BLTP1: variants seen among roughly 807,000 people sequenced by gnomAD.
BLTP1 encodes bridge-like lipid transfer protein family member 1.
the BLTP1 span, chr4:122,194,417 A>G: frequency 2.6e-6 from 1 of 388,828 alleles, no homozygotes; most frequent in Non-Finnish European, 3.5e-6. Flanking sequence ...GAAAGAAAAT[A>G]CTTTTCACAT....
chr4:122,250,201 T>C, the BLTP1 span: 34 of 388,936 alleles, frequency 8.7e-5, no homozygotes, highest in Non-Finnish European at 1.2e-4. Flanking sequence ...ATGCCTACAA[T>C]TATTTACCTG....
chr4:122,232,616 A>C, the BLTP1 span, among the ~76,000 whole-genome samples: 1 of 152,148 alleles, frequency 6.6e-6, no homozygotes, highest in African/African-American at 2.4e-5. Context: ...CAAAAAAAAT[A>C]AGATAAAAAA....
the BLTP1 span, chr4:122,235,576 T>G: frequency 1.4e-5 from 7 of 493,742 alleles, no homozygotes; most frequent in East Asian, 1.5e-4. Flanking sequence ...GAGGCCAAGG[T>G]GGGCGGATCA....
chr4:122,261,769 G>A, the BLTP1 span: 31 of 978,330 alleles, frequency 3.2e-5, no homozygotes, highest in Non-Finnish European at 3.6e-5. Flanking sequence ...AGAACTTAAG[G>A]ATTAAATAAG....
chr4:122,179,678 A>T, the BLTP1 span, among the ~76,000 whole-genome samples: 13 of 152,196 alleles, frequency 8.5e-5, no homozygotes, highest in Non-Finnish European at 1.8e-4. Context: ...AAGGACACAT[A>T]CAGAGAGGCA....
chr4:122,336,450 T>C, the BLTP1 span: 18 of 786,628 alleles, frequency 2.3e-5, no homozygotes, highest in Admixed American at 5.9e-5. Flanking sequence ...TTACATAATA[T>C]ATGCAATTAT....
the BLTP1 span, chr4:122,333,504 T>G: frequency 3.2e-6 from 3 of 943,378 alleles, no homozygotes; most frequent in Non-Finnish European, 4.5e-6. Flanking sequence ...TAAATTTGTT[T>G]GAGTTCATTG....
At chr4:122,152,513 C>T in the BLTP1 span, 89 of 985,860 alleles carry the variant, frequency 9.0e-5, 2 homozygotes, top group East Asian at 8.6e-3. Context: ...CCGCCCCTGC[C>T]GCCGCCCAAG....
the BLTP1 span, chr4:122,198,146 A>C: frequency 0.02 from 20,129 of 983,962 alleles, 1,326 homozygotes; most frequent in African/African-American, 0.21. Flanking sequence ...AAGTGGTAGC[A>C]TTCAGGCCTG....
chr4:122,252,214 G>C, the BLTP1 span, among the ~76,000 whole-genome samples: 1 of 152,186 alleles, frequency 6.6e-6, no homozygotes, highest in Non-Finnish European at 1.5e-5. Flanking sequence ...GTGTGACCTA[G>C]CACGTTCCTA....
chr4:122,267,647 A>G, the BLTP1 span: 1 of 973,934 alleles, frequency 1.0e-6, no homozygotes, highest in Non-Finnish European at 1.2e-6. Context: ...AGTCATATTG[A>G]GAGTCTAGCC....
chr4:122,361,948 G>T, the BLTP1 span: 1 of 1,498,792 alleles, frequency 6.7e-7, no homozygotes, highest in Non-Finnish European at 8.9e-7. Context: ...TATTATAGAG[G>T]CTTAGTGATG....
the BLTP1 span, chr4:122,352,891 G>A: frequency 6.2e-7 from 1 of 1,609,622 alleles, no homozygotes; most frequent in Non-Finnish European, 8.5e-7. Context: ...TGTGTTTTTT[G>A]GTTTTCTTGC....
the BLTP1 span, chr4:122,359,843 T>C: frequency 1.4e-6 from 2 of 1,408,926 alleles, no homozygotes; most frequent in Non-Finnish European, 9.2e-7. Flanking sequence ...TCTCCTGTAA[T>C]GTCTATAGCT....
At chr4:122,286,412 C>T in the BLTP1 span, 3 of 1,457,628 alleles carry the variant, frequency 2.1e-6, no homozygotes, top group Non-Finnish European at 2.7e-6. Context: ...TTAAAATATC[C>T]TTTCATATAT....
chr4:122,216,137 A>G, the BLTP1 span, among the ~76,000 whole-genome samples: 11 of 143,312 alleles, frequency 7.7e-5, no homozygotes, highest in African/African-American at 2.6e-4. Context: ...CTATCTATCT[A>G]TCTATCTACC....
the BLTP1 span, chr4:122,359,641 A>G: frequency 6.2e-7 from 1 of 1,612,968 alleles, no homozygotes; most frequent in South Asian, 1.1e-5. Context: ...TCTGATAAAG[A>G]TAGAGAAGAT....
chr4:122,333,591 C>T, the BLTP1 span: 1 of 1,540,310 alleles, frequency 6.5e-7, no homozygotes, highest in Non-Finnish European at 8.7e-7. Flanking sequence ...ATAAATGTGT[C>T]ATTTTTTAAA....
chr4:122,253,921 A>T, the BLTP1 span, among the ~76,000 whole-genome samples: 1 of 152,212 alleles, frequency 6.6e-6, no homozygotes, highest in Non-Finnish European at 1.5e-5. Flanking sequence ...AACAAATAAC[A>T]TACGATGGAG....
Sources: gnomAD v4.1 joint callset for allele counts (sites outside exome capture counted in the v4.1 genomes callset) on GRCh38, gnomAD v4.1.1 for gene constraint, MANE v1.5 for transcripts, NCBI Gene and HGNC (gene_info 2026-07-23, HGNC 2026-07-21) for gene names.